The following SENP2 variants were observed in gnomAD, a reference collection of about 807,000 sequenced individuals.
SENP2 encodes sentrin-specific protease 2.
In SENP2, 16 loss-of-function variants were observed where a neutral mutation model predicts 86.3. The ratio of observed to expected loss-of-function variants is 0.19; its 90% CI spans 0.13 to 0.28. The LOEUF (loss-of-function observed/expected upper bound fraction) is 0.28, where lower values mean the gene tolerates loss of function less well. Among genes scored for constraint, SENP2 ranks in the 10% least tolerant of loss-of-function variants. SENP2 has a pLI of 1.00. For synonymous variants in SENP2, 222 were observed against 238.7 expected, an observed-to-expected ratio of 0.93 and a Z score of 0.64; for missense variants, 552 against 703.0, an observed-to-expected ratio of 0.79 and a Z score of 2.43.
chr3:185,599,079 TC>T, intron 4 of SENP2, 55 bp downstream of exon 4: 1 of 1,287,370 alleles, frequency 7.8e-7, no homozygotes, highest in Non-Finnish European at 1.1e-6. Context: ...CCCATTTTTT[TC>T]CTACATTTTG....
intron 2 of SENP2, among the ~76,000 whole-genome samples, chr3:185,592,705 C>T (rs1233212222): frequency 6.6e-6 from 1 of 151,810 alleles, no homozygotes; most frequent in Non-Finnish European, 1.5e-5. Flanking sequence ...CAACCTCCGC[C>T]TCCCAGGTTC....
intron 15 of SENP2, 44 bp from the exon 16 acceptor site, chr3:185,626,254 G>T: frequency 8.1e-7 from 1 of 1,239,110 alleles, no homozygotes; most frequent in Non-Finnish European, 1.2e-6. Context: ...TGTATTTAAT[G>T]ATGTTTTACC....
Position 185,629,881 on chromosome 3 carries a change from C to T in SENP2, c.*37C>T. On this transcript the variant is annotated 3_prime_UTR_variant, in exon 17 of 17. Transcript: ENST00000296257. ...CTGGTCCCTCTAGCTGCTGGTGGTTCTTTCACAGACATTTCCATATACCTC... is the reference window on the plus strand; with the variant it reads ...CTGGTCCCTCTAGCTGCTGGTGGTTTTTTCACAGACATTTCCATATACCTC... The T allele has an allele frequency of 6.3e-7, 1 of 1,596,566 alleles. No homozygotes were observed. The highest frequency in any genetic ancestry group is 1.3e-5 in the African/African-American group (1 of 74,732).
At position 185,594,619 on chromosome 3, in the gene SENP2, TC is replaced by T. The variant is rs1397482808; in HGVS notation, c.158-3792del. 1.1e-4 allele frequency among the ~76,000 whole-genome samples: 15 copies of T among 133,374 alleles called. No homozygotes were observed. In the South Asian group the frequency reaches 3.3e-3, roughly 30 times the overall value. 87.5% of individuals were successfully genotyped at this position (133,374 alleles called of 152,430 possible). A position where few individuals can be genotyped will look rare whatever the true frequency, so the allele number is the denominator to read the frequency against. ...AGACCTCAGAATTTCAGGCTCATGA[TC>T]TTTTTTTTTTTTTTTTTGGGACAGA... is the stretch of plus-strand genomic sequence containing the variant. On this transcript the variant is annotated intron_variant, in intron 2 of 16. Coordinates refer to ENST00000296257, the MANE Select transcript of SENP2 (RefSeq NM_021627.3).
rs192391429 is a variant in SENP2 at position 185,628,528 on chromosome 3, C to T, written c.1708-1254C>T. Among the ~76,000 whole-genome samples the T allele has an allele frequency of 1.5e-3, 222 of 151,034 alleles. 1 individual carries two copies. The highest frequency in any genetic ancestry group is 5.2e-3 in the African/African-American group (214 of 41,134). On this transcript the variant is annotated intron_variant, in intron 16 of 16. Coordinates refer to ENST00000296257, the MANE Select transcript of SENP2 (RefSeq NM_021627.3). ...TGTGAACTTCTTTTTTTGTTTGAGACGGAGTTTCGTTCTTGTTGCCCAGGC... is the reference window on the plus strand; with the variant it reads ...TGTGAACTTCTTTTTTTGTTTGAGATGGAGTTTCGTTCTTGTTGCCCAGGC...
intron 2 of SENP2, among the ~76,000 whole-genome samples, chr3:185,590,592 C>T (rs556918058): frequency 7.4e-5 from 11 of 148,122 alleles, no homozygotes; most frequent in African/African-American, 2.2e-4. Flanking sequence ...CCTGGCCCGA[C>T]GTGGTGGCTC....
chr3:185,622,304 G>T (rs1031272515), intron 14 of SENP2, among the ~76,000 whole-genome samples: 2 of 152,162 alleles, frequency 1.3e-5, no homozygotes, highest in African/African-American at 4.8e-5. Flanking sequence ...TTTAAAGTGT[G>T]TGGTTTGAGG....
At chr3:185,607,735 A>G (rs1380887256) in intron 6 of SENP2, among the ~76,000 whole-genome samples, 6 of 152,204 alleles carry the variant, frequency 3.9e-5, no homozygotes, top group Admixed American at 1.3e-4. Flanking sequence ...TATGTTGTCC[A>G]GGCTAGTTTC....
At chr3:185,600,952 C>T in intron 5 of SENP2, 97 bp downstream of exon 5, 1 of 801,246 alleles carries the variant, frequency 1.2e-6, no homozygotes, top group South Asian at 1.6e-5. Context: ...TGTAGTCCTG[C>T]TAAGCGCTCT....
chr3:185,590,228 A>T, intron 2 of SENP2, 59 bp downstream of exon 2: 1 of 879,276 alleles, frequency 1.1e-6, no homozygotes, highest in Non-Finnish European at 1.7e-6. Context: ...ATATGCATGG[A>T]ACAAAATTCA....
chr3:185,621,579 G>A lies in SENP2; in HGVS notation c.1447-247G>A, dbSNP rs954868444. Among the ~76,000 whole-genome samples, 5 of 151,478 alleles carry A rather than the reference G, an allele frequency of 3.3e-5. No individual in the cohort carries two copies. In the South Asian group the frequency reaches 8.3e-4, roughly 25 times the overall value. Reference sequence around the variant, plus strand: ...TAATTTTTGTATTTTTAGTAGAGACGGGGTTTCGCCATGTTGGTCAGGCTG... The same window carrying A: ...TAATTTTTGTATTTTTAGTAGAGACAGGGTTTCGCCATGTTGGTCAGGCTG... On this transcript the variant is annotated intron_variant, in intron 13 of 16. Transcript: ENST00000296257.
At chr3:185,621,943 G>A (rs2148994279) in intron 14 of SENP2, 38 bp downstream of exon 14, 1 of 1,355,726 alleles carries the variant, frequency 7.4e-7, no homozygotes, top group Non-Finnish European at 1.1e-6. Context: ...CCCCTGTTGA[G>A]GTGATCTCTC....
rs143082277 is a variant in SENP2 at position 185,589,418 on chromosome 3, G to A, written c.102-696G>A. Among the ~76,000 whole-genome samples the A allele has an allele frequency of 2.7e-3, 406 of 152,264 alleles. 3 individuals carry two copies. Among genetic ancestry groups the A allele is most frequent in the South Asian group, 0.01 (50 of 4,826 alleles). On this transcript the variant is annotated intron_variant, in intron 1 of 16. Coordinates refer to ENST00000296257, the MANE Select transcript of SENP2 (RefSeq NM_021627.3). ...TTTCTTTGGGGATCATTTTCAAAAG[G>A]AAATTGCTTGTTTGTTGTTTTTAAA...
intron 2 of SENP2, among the ~76,000 whole-genome samples, chr3:185,592,592 A>G (rs1025562377): frequency 1.3e-5 from 2 of 151,594 alleles, no homozygotes; most frequent in African/African-American, 4.8e-5. Context: ...TTTACAGAAA[A>G]TACAAAAATT....
At chr3:185,611,187 A>G (rs889908563) in intron 7 of SENP2, among the ~76,000 whole-genome samples, 6 of 152,210 alleles carry the variant, frequency 3.9e-5, no homozygotes, top group African/African-American at 1.4e-4. Flanking sequence ...GAGGCAGGAG[A>G]ACCACTTGAA....
chr3:185,619,364 T>C lies in SENP2; in HGVS notation c.1308T>C (p.His436=), dbSNP rs1711753364. 1 of 1,614,074 alleles carries C rather than the reference T, an allele frequency of 6.2e-7. No homozygotes were observed. Among genetic ancestry groups the C allele is most frequent in the South Asian group, 1.1e-5 (1 of 91,090 alleles). ...RNKKQGYPAL[H]VFSTFFYPKL... is the part of the protein sequence containing the mutation. ...AAAAGCAAGGCTATCCAGCACTTCA[T>C]GTATTCAGTACTTTCTTCTATCCTA... The change falls in exon 13 of 17, where the codon CAT becomes CAC. Residue 436 remains histidine (H), a synonymous_variant. Coordinates refer to ENST00000296257, the MANE Select transcript of SENP2 (RefSeq NM_021627.3).
chr3:185,617,397 A>C lies in SENP2; in HGVS notation c.1111-83A>C, dbSNP rs544265047. 7 of 1,240,652 alleles carry C rather than the reference A, an allele frequency of 5.6e-6. No homozygotes were observed. In the African/African-American group the frequency reaches 1.1e-4, roughly 19 times the overall value. The allele number at this position is 1,240,652 out of a possible 1,614,324, so 76.9% of individuals were successfully genotyped here. On this transcript the variant is annotated intron_variant, in intron 11 of 16. Transcript: ENST00000296257. ...GAGTCAGGTGTTGCCGAGATGAAAA[A>C]CTTTTTTCAGTCTCGGAGTTTTCAA...
chr3:185,612,827 C>G (rs1046280041), intron 9 of SENP2, among the ~76,000 whole-genome samples, 169 bp downstream of exon 9: 2 of 152,250 alleles, frequency 1.3e-5, no homozygotes, highest in African/African-American at 4.8e-5. Flanking sequence ...GATGCCCACC[C>G]TAGCCTGGTG....
rs1213748089 is a variant in SENP2, at chr3:185,632,472, T to G, written c.*2628T>G. On this transcript the variant is annotated 3_prime_UTR_variant, in exon 17 of 17. Coordinates refer to ENST00000296257, the MANE Select transcript of SENP2 (RefSeq NM_021627.3). ...CTGGTCTTGAACTGCTGACCTCAGG[T>G]GATCCACCCGCCTCGGCCTCCCAAA... 1 of 152,026 alleles carries G rather than the reference T, an allele frequency of 6.6e-6. No homozygotes were observed. The highest frequency in any genetic ancestry group is 1.5e-5 in the Non-Finnish European group (1 of 68,158). 9.4% of individuals were successfully genotyped at this position (152,026 alleles called of 1,614,324 possible).
Sources: gnomAD v4.1 joint callset for allele counts (sites outside exome capture counted in the v4.1 genomes callset) on GRCh38, gnomAD v4.1.1 for gene constraint, MANE v1.5 for transcripts, NCBI Gene and HGNC (gene_info 2026-07-23, HGNC 2026-07-21) for gene names.